The following TNS3 variants were observed in gnomAD, a reference collection of about 807,000 sequenced individuals.
TNS3 encodes tensin 3.
Under a neutral mutation model 140.9 loss-of-function variants are expected in TNS3, and 45 were observed. The observed-to-expected ratio is 0.32, with a 90% CI of 0.25 to 0.41. The LOEUF is 0.41. TNS3 is among the 10% of genes least tolerant of loss of function. The pLI is 1.00. For missense variants in TNS3, 1,716 were observed against 1,906.7 expected, an observed-to-expected ratio of 0.90 and a Z score of 1.86; for synonymous variants, 815 against 788.4, an observed-to-expected ratio of 1.03 and a Z score of -0.56.
At chr7:47,370,923 G>A (rs1791033884) in intron 16 of TNS3, among the ~76,000 whole-genome samples, 1 of 152,376 alleles carries the variant, frequency 6.6e-6, no homozygotes, top group East Asian at 1.9e-4. Flanking sequence ...GTCAGCAGCT[G>A]CTGGCCTTTT....
chr7:47,412,134 G>T (rs1014570404), intron 12 of TNS3, among the ~76,000 whole-genome samples: 1 of 152,264 alleles, frequency 6.6e-6, no homozygotes, highest in Middle Eastern at 3.4e-3. Flanking sequence ...CAAACTGAGG[G>T]TGCAATTCCA....
At chr7:47,398,756 G>A (rs1397192850) in intron 15 of TNS3, among the ~76,000 whole-genome samples, 3 of 152,084 alleles carry the variant, frequency 2.0e-5, no homozygotes, top group Non-Finnish European at 4.4e-5. Flanking sequence ...CCCCTGAGAA[G>A]TGTAACAAGA....
chr7:47,422,095 T>C (rs1417787528), intron 10 of TNS3, among the ~76,000 whole-genome samples: 1 of 152,210 alleles, frequency 6.6e-6, no homozygotes, highest in Non-Finnish European at 1.5e-5. Flanking sequence ...ATCTTATGCA[T>C]TCATTCGTTT....
intron 4 of TNS3, among the ~76,000 whole-genome samples, chr7:47,447,171 T>C (rs1377636582): frequency 2.0e-5 from 3 of 149,304 alleles, no homozygotes; most frequent in South Asian, 2.1e-4. Flanking sequence ...CCTGAGTCAG[T>C]GAGTGAAAAG....
intron 11 of TNS3, 137 bp downstream of exon 11, chr7:47,414,957 A>T: frequency 1.5e-6 from 1 of 651,344 alleles, no homozygotes; most frequent in Non-Finnish European, 2.6e-6. Context: ...GGACCCAGTC[A>T]ATCGCCAGGG....
At position 47,297,164 on chromosome 7, in the gene TNS3, G is replaced by A; in HGVS notation, c.3594C>T (p.Asp1198=). The change falls in exon 24 of 31, where the codon GAC becomes GAT. Residue 1198 remains aspartate (D), a synonymous_variant. Transcript: ENST00000311160. ...CATAGGCCCCTCGGAAGGAATGGCT[G>A]TCTCGAACAATGAATGAGCCCGGCT... The part of the protein sequence containing the change: ...DKEPGSFIVR[D]SHSFRGAYGL... The A allele has an allele frequency of 6.2e-7, 1 of 1,613,756 alleles. No homozygotes were observed. The highest frequency in any genetic ancestry group is 8.5e-7 in the Non-Finnish European group (1 of 1,179,948).
intron 16 of TNS3, among the ~76,000 whole-genome samples, chr7:47,389,064 A>AGGAAGAGGAAGAGGAAGTGGAAGC (rs1792295120): frequency 1.7e-5 from 1 of 57,648 alleles, no homozygotes; most frequent in African/African-American, 7.8e-5. Context: ...GAAGAAGAAG[A>AGGAAGAGGAAGAGGAAGTGGAAGC]AGAAGAAGAA....
In TNS3 at chr7:47,369,322, T is replaced by C; in HGVS notation, c.1324A>G (p.Lys442Glu). The C allele has an allele frequency of 2.5e-6, 4 of 1,614,134 alleles. No individual in the cohort carries two copies. The highest frequency in any genetic ancestry group is 3.4e-6 in the Non-Finnish European group (4 of 1,180,034). The change falls in exon 17 of 31, where the codon AAG (lysine) becomes GAG (glutamate). Residue 442 changes from lysine to glutamate, a missense_variant. Physicochemically the swap from Lys to Glu is moderately conservative, Grantham distance 56 (BLOSUM62 1). Transcript: ENST00000311160. ...FGLEDPGSSLKEMTDARSKYS... is the reference protein window; with the variant it reads ...FGLEDPGSSLEEMTDARSKYS... ...TTGCTTCGAGCATCAGTCATTTCCT[T>C]GAGGGAGCTTCCAGGATCTTCCAGG...
chr7:47,392,529 A>G (rs1192641575), intron 16 of TNS3, among the ~76,000 whole-genome samples: 1 of 150,460 alleles, frequency 6.6e-6, no homozygotes, highest in Non-Finnish European at 1.5e-5. Context: ...GTGCCGCAAT[A>G]CATCATTTTC....
At chr7:47,439,773 C>T in intron 5 of TNS3, 115 bp from the exon 6 acceptor site, 1 of 1,099,986 alleles carries the variant, frequency 9.1e-7, no homozygotes, top group Non-Finnish European at 1.3e-6. Context: ...ACATCAGCAC[C>T]TGGGCGGCCA....
intron 2 of TNS3, among the ~76,000 whole-genome samples, chr7:47,510,405 C>T (rs11761613): frequency 0.021 from 3,195 of 152,264 alleles, 49 homozygotes; most frequent in Non-Finnish European, 0.03. Context: ...TGTGAGCTGG[C>T]AGCTAAACTA....
rs531206993 is a variant in TNS3, at chr7:47,399,028, C to G, written c.919+1365G>C. ...TATCTGTAGCACTGCTGTACACCAACAATGACCAAACTGACAATCAAATTA... is the reference window on the plus strand; with the variant it reads ...TATCTGTAGCACTGCTGTACACCAAGAATGACCAAACTGACAATCAAATTA... On this transcript the variant is annotated intron_variant, in intron 15 of 30. Coordinates refer to ENST00000311160, the MANE Select transcript of TNS3 (RefSeq NM_022748.12). 4.5e-5 allele frequency among the ~76,000 whole-genome samples: 6 copies of G among 132,982 alleles called. No homozygotes were observed. The East Asian group carries it at 1.4e-3, about 31-fold the overall frequency. 87.2% of individuals were successfully genotyped at this position (132,982 alleles called of 152,430 possible).
At chr7:47,536,989 C>T (rs545012700) in intron 1 of TNS3, among the ~76,000 whole-genome samples, 4 of 152,160 alleles carry the variant, frequency 2.6e-5, no homozygotes, top group South Asian at 4.1e-4. Context: ...GCCCGTGCCT[C>T]GCGCCCCTGG....
intron 4 of TNS3, among the ~76,000 whole-genome samples, chr7:47,461,584 A>C (rs1433103297): frequency 6.6e-6 from 1 of 152,234 alleles, no homozygotes; most frequent in African/African-American, 2.4e-5. Context: ...CGGGCACTGC[A>C]TGCCCACTGC....
chr7:47,537,149 G>A (rs1584830428), intron 1 of TNS3, among the ~76,000 whole-genome samples: 1 of 152,002 alleles, frequency 6.6e-6, no homozygotes, highest in Admixed American at 6.5e-5. Context: ...TCGGCCGGGC[G>A]AGGGTGGCCG....
At chr7:47,523,853 T>C (rs894133714) in intron 2 of TNS3, among the ~76,000 whole-genome samples, 4 of 152,144 alleles carry the variant, frequency 2.6e-5, no homozygotes, top group Non-Finnish European at 5.9e-5. Context: ...CCAGGGACCA[T>C]GGGGACAGAC....
rs1562675094 is a variant in TNS3, at chr7:47,389,071, A to AGAGGAAGTG, written c.1024+7728_1024+7729insCACTTCCTC. Among the ~76,000 whole-genome samples the AGAGGAAGTG allele has an allele frequency of 4.0e-5, 2 of 50,070 alleles. 1 individual carries two copies. Among genetic ancestry groups the AGAGGAAGTG allele is most frequent in the East Asian group, 1.7e-3 (2 of 1,186 alleles). 32.8% of individuals were successfully genotyped at this position (50,070 alleles called of 152,430 possible). ...AAGAAGAAGAAGAAGAAGAAGAAGAAGAAGAAGAAGAAGAGGAAGAGGAAG... is the reference window on the plus strand; with the variant it reads ...AAGAAGAAGAAGAAGAAGAAGAAGAAGAGGAAGTGGAAGAAGAAGAAGAGGAAGAGGAAG... On this transcript the variant is annotated intron_variant, in intron 16 of 30. Coordinates refer to ENST00000311160, the MANE Select transcript of TNS3 (RefSeq NM_022748.12).
At chr7:47,553,125 C>G (rs938979254) in intron 1 of TNS3, among the ~76,000 whole-genome samples, 13 of 152,212 alleles carry the variant, frequency 8.5e-5, no homozygotes, top group African/African-American at 2.9e-4. Flanking sequence ...AAGTTTGAAG[C>G]TAGCAGAGGT....
intron 25 of TNS3, 84 bp from the exon 26 acceptor site, chr7:47,292,989 C>T (rs919428128): frequency 1.6e-5 from 19 of 1,222,316 alleles, no homozygotes; most frequent in East Asian, 9.8e-5. Context: ...TGGAATGAAA[C>T]GGATGCAAAG....
Sources: allele counts gnomAD v4.1 joint callset (sites outside exome capture counted in the v4.1 genomes callset), GRCh38; gene constraint gnomAD v4.1.1; transcripts MANE v1.5; gene names NCBI Gene and HGNC (gene_info 2026-07-23, HGNC 2026-07-21).